The following DCC variants were observed in gnomAD, a reference collection of about 807,000 sequenced individuals.
The protein encoded by DCC is netrin receptor DCC.
Under a neutral mutation model 172.5 loss-of-function variants are expected in DCC, and 58 were observed. The ratio of observed to expected loss-of-function variants is 0.34; its 90% CI spans 0.27 to 0.42. The LOEUF (loss-of-function observed/expected upper bound fraction) is 0.42, where lower values mean the gene tolerates loss of function less well. DCC is among the 10% of genes least tolerant of loss of function. DCC has a pLI of 1.00. For synonymous variants in DCC, 709 were observed against 644.5 expected, an observed-to-expected ratio of 1.10 and a Z score of -1.52; for missense variants, 1,740 against 1,791.0, an observed-to-expected ratio of 0.97 and a Z score of 0.51.
chr18:52,961,338 A>G lies in DCC; in HGVS notation c.985+35968A>G, dbSNP rs150235936. Among the ~76,000 whole-genome samples the G allele has an allele frequency of 5.9e-5, 9 of 152,280 alleles. No homozygotes were observed. The East Asian group carries it at 1.7e-3, about 29-fold the overall frequency. ...AATGCATAGGACATTGTGCACTAAG[A>G]CACAATGATAGCACTGATTCTGAGA... is the stretch of plus-strand genomic sequence containing the variant. On this transcript the variant is annotated intron_variant, in intron 5 of 28. Coordinates refer to ENST00000442544, the MANE Select transcript of DCC (RefSeq NM_005215.4).
intron 1 of DCC, among the ~76,000 whole-genome samples, chr18:52,563,084 C>T (rs1042334103): frequency 2.0e-5 from 3 of 152,150 alleles, no homozygotes; most frequent in African/African-American, 4.8e-5. Flanking sequence ...TTCATCATCT[C>T]TCCGTTAGGT....
intron 2 of DCC, among the ~76,000 whole-genome samples, chr18:52,855,977 T>C (rs1448330617): frequency 1.3e-5 from 2 of 151,818 alleles, no homozygotes; most frequent in Admixed American, 6.6e-5. Flanking sequence ...GTTGGCCAGG[T>C]TGGTTTTGAA....
At chr18:52,630,190 T>C (rs556077483) in intron 1 of DCC, among the ~76,000 whole-genome samples, 1 of 152,226 alleles carries the variant, frequency 6.6e-6, no homozygotes, top group African/African-American at 2.4e-5. Flanking sequence ...AATATACCTT[T>C]AGAAATCTGT....
chr18:52,914,829 C>T lies in DCC; in HGVS notation c.697+8501C>T, dbSNP rs573653862. The stretch of plus-strand genomic sequence containing the variant: ...CTTGAAATTGAGGATGCAGACAGAG[C>T]AAACTAGCTCTCTGAAGTTAAATTA... On this transcript the variant is annotated intron_variant, in intron 3 of 28. Transcript: ENST00000442544. 1.4e-3 allele frequency among the ~76,000 whole-genome samples: 206 copies of T among 152,182 alleles called. 1 individual carries two copies. The highest frequency in any genetic ancestry group is 4.7e-3 in the African/African-American group (197 of 41,536).
At chr18:52,633,622 C>A (rs2034717979) in intron 1 of DCC, among the ~76,000 whole-genome samples, 1 of 152,138 alleles carries the variant, frequency 6.6e-6, no homozygotes, top group South Asian at 2.1e-4. Flanking sequence ...AAATGAACCT[C>A]AATTTGCAAC....
chr18:53,372,940 C>A (rs936135789), intron 15 of DCC, among the ~76,000 whole-genome samples: 5 of 152,122 alleles, frequency 3.3e-5, no homozygotes, highest in African/African-American at 1.2e-4. Context: ...AAGTTTGCAT[C>A]TCTGTATTTT....
intron 8 of DCC, among the ~76,000 whole-genome samples, chr18:53,173,608 C>A (rs1407816206): frequency 6.6e-6 from 1 of 152,140 alleles, no homozygotes; most frequent in Admixed American, 6.6e-5. Context: ...GTAAAGGCAT[C>A]AATTCAACAA....
At chr18:52,985,807 C>G (rs1040543729) in intron 5 of DCC, among the ~76,000 whole-genome samples, 24 of 151,938 alleles carry the variant, frequency 1.6e-4, no homozygotes, top group Non-Finnish European at 1.5e-5. Flanking sequence ...ACTATTTAAG[C>G]TTTTCTACTA....
At chr18:53,408,342 T>C (rs1319833251) in intron 19 of DCC, among the ~76,000 whole-genome samples, 1 of 152,148 alleles carries the variant, frequency 6.6e-6, no homozygotes, top group East Asian at 1.9e-4. Context: ...CTGGCTGAGG[T>C]CTCATCTTTG....
chr18:52,656,686 TG>T (rs1229954621), intron 1 of DCC, among the ~76,000 whole-genome samples: 2 of 152,150 alleles, frequency 1.3e-5, no homozygotes, highest in Non-Finnish European at 2.9e-5. Context: ...TGAAATCTTT[TG>T]GGTAAGATCA....
chr18:52,438,912 C>A lies in DCC; in HGVS notation c.91+98034C>A, dbSNP rs531278169. 2.6e-5 allele frequency among the ~76,000 whole-genome samples: 4 copies of A among 152,218 alleles called. No homozygotes were observed. In the East Asian group the frequency reaches 7.7e-4, roughly 29 times the overall value. ...AGAGAATTGAAGGGACCAGCAATTTCCACCTTTCTGAAGCTAGGAAGACTT... is the reference window on the plus strand; with the variant it reads ...AGAGAATTGAAGGGACCAGCAATTTACACCTTTCTGAAGCTAGGAAGACTT... On this transcript the variant is annotated intron_variant, in intron 1 of 28. Transcript: ENST00000442544.
chr18:53,312,163 A>AAAAAAAAAAAAAAAG (rs1428142147), intron 13 of DCC, among the ~76,000 whole-genome samples: 1 of 92,438 alleles, frequency 1.1e-5, no homozygotes, highest in Non-Finnish European at 2.1e-5. Flanking sequence ...CAAAAAAAAA[A>AAAAAAAAAAAAAAAG]AAAAAAAAAA....
chr18:52,765,914 C>T (rs990416399), intron 2 of DCC, among the ~76,000 whole-genome samples: 3 of 152,194 alleles, frequency 2.0e-5, no homozygotes, highest in Non-Finnish European at 4.4e-5. Context: ...ATCTTCTATG[C>T]TTATTGTGAA....
intron 1 of DCC, among the ~76,000 whole-genome samples, chr18:52,681,470 G>C (rs1291732133): frequency 6.6e-6 from 1 of 152,048 alleles, no homozygotes; most frequent in Non-Finnish European, 1.5e-5. Context: ...ATTCTAAATA[G>C]GGATAACATT....
chr18:52,791,336 G>C (rs2037764359), intron 2 of DCC, among the ~76,000 whole-genome samples: 1 of 152,144 alleles, frequency 6.6e-6, no homozygotes, highest in African/African-American at 2.4e-5. Context: ...CACCCCAGGG[G>C]AGTGCATGCT....
At chr18:52,979,091 G>C (rs1160112833) in intron 5 of DCC, among the ~76,000 whole-genome samples, 8 of 152,088 alleles carry the variant, frequency 5.3e-5, no homozygotes, top group African/African-American at 1.7e-4. Context: ...TGTGAAGGAA[G>C]GGTACACAAT....
At chr18:53,063,825 C>G (rs567545283) in intron 6 of DCC, among the ~76,000 whole-genome samples, 5 of 152,158 alleles carry the variant, frequency 3.3e-5, no homozygotes, top group Admixed American at 1.3e-4. Flanking sequence ...ACTTCTTTGA[C>G]TTTTACCCAT....
chr18:53,291,318 A>G (rs1255281884), intron 12 of DCC, among the ~76,000 whole-genome samples: 1 of 152,264 alleles, frequency 6.6e-6, no homozygotes, highest in East Asian at 1.9e-4. Context: ...TCATGAGGGC[A>G]TTATTATAAT....
chr18:52,713,091 C>A lies in DCC; in HGVS notation c.92-38963C>A, dbSNP rs2036321459. Among the ~76,000 whole-genome samples, 3 of 152,226 alleles carry A rather than the reference C, an allele frequency of 2.0e-5. No homozygotes were observed. The South Asian group carries it at 6.2e-4, about 32-fold the overall frequency. ...ACTTTAGTGCCTAGCCGGGAAATTT[C>A]TGAAAGCTCTGTCAGTGGAAGGAGT... On this transcript the variant is annotated intron_variant, in intron 1 of 28. Transcript: ENST00000442544.
Sources: gnomAD v4.1 joint callset for allele counts (sites outside exome capture counted in the v4.1 genomes callset) on GRCh38, gnomAD v4.1.1 for gene constraint, MANE v1.5 for transcripts, NCBI Gene and HGNC (gene_info 2026-07-23, HGNC 2026-07-21) for gene names.